Variants in PPP3CB observed in about 807,000 individuals in gnomAD.
The protein encoded by PPP3CB is serine/threonine-protein phosphatase 2B catalytic subunit beta isoform.
A neutral mutation model predicts 66.4 loss-of-function variants in PPP3CB; 8 were observed. The ratio of observed to expected loss-of-function variants is 0.12; its 90% CI spans 0.07 to 0.22. The LOEUF (loss-of-function observed/expected upper bound fraction) is 0.22. Among genes scored for constraint, PPP3CB ranks in the 10% least tolerant of loss-of-function variants. The pLI is 1.00. For missense variants in PPP3CB, 319 were observed against 642.5 expected, an observed-to-expected ratio of 0.50 and a Z score of 5.44; for synonymous variants, 208 against 221.2, an observed-to-expected ratio of 0.94 and a Z score of 0.53.
chr10:73,489,354 A>G (rs966822134), intron 1 of PPP3CB, among the ~76,000 whole-genome samples: 2 of 152,006 alleles, frequency 1.3e-5, no homozygotes, highest in African/African-American at 4.8e-5. Context: ...CAATATGGCC[A>G]GAATTAGCCA....
At chr10:73,450,725 TAA>T (rs2056330699) in intron 10 of PPP3CB, among the ~76,000 whole-genome samples, 2 of 152,330 alleles carry the variant, frequency 1.3e-5, no homozygotes, top group Admixed American at 1.3e-4. Flanking sequence ...TAAAATTATT[TAA>T]GAGTGGGAAA....
At chr10:73,471,730 T>C in intron 4 of PPP3CB, 117 bp from the exon 5 acceptor site, 1 of 764,702 alleles carries the variant, frequency 1.3e-6, no homozygotes. Flanking sequence ...ATCTTATAGC[T>C]ATTTATAATG....
At chr10:73,480,459 T>C (rs968894219) in intron 1 of PPP3CB, among the ~76,000 whole-genome samples, 10 of 150,770 alleles carry the variant, frequency 6.6e-5, no homozygotes, top group Non-Finnish European at 1.5e-4. Context: ...TTTTTTTTTT[T>C]TTTGAGATGG....
At chr10:73,457,075 C>T (rs2056438682) in intron 9 of PPP3CB, among the ~76,000 whole-genome samples, 1 of 151,438 alleles carries the variant, frequency 6.6e-6, no homozygotes, top group South Asian at 2.1e-4. Context: ...CTTAAATATA[C>T]ACAATAAAAT....
At position 73,443,264 on chromosome 10, in the gene PPP3CB, GAGAGAA is replaced by G. The variant is rs552547456; in HGVS notation, c.1366+1455_1366+1460del. On this transcript the variant is annotated intron_variant, in intron 12 of 13. Transcript: ENST00000360663. ...AGAGAGAGAGAAAGAGAGAGAGAGA[GAGAGAA>G]AGAAAGAAAGAAAGACAGAAAGAAA... 7.8e-3 allele frequency among the ~76,000 whole-genome samples: 1,013 copies of G among 129,174 alleles called. 15 individuals carry two copies. Among genetic ancestry groups the G allele is most frequent in the African/African-American group, 0.03 (960 of 31,858 alleles). 84.7% of individuals were successfully genotyped at this position (129,174 alleles called of 152,430 possible).
chr10:73,483,256 G>A (rs1261638526), intron 1 of PPP3CB, among the ~76,000 whole-genome samples: 1 of 152,206 alleles, frequency 6.6e-6, no homozygotes, highest in Non-Finnish European at 1.5e-5. Context: ...AATGTGTACA[G>A]GTTGAGTGGT....
intron 3 of PPP3CB, among the ~76,000 whole-genome samples, chr10:73,475,864 T>C (rs955988068): frequency 6.6e-6 from 1 of 152,180 alleles, no homozygotes; most frequent in African/African-American, 2.4e-5. Context: ...AAAAACAAAC[T>C]TTTTTATTTT....
chr10:73,457,749 A>AG (rs901393749), intron 9 of PPP3CB, among the ~76,000 whole-genome samples: 23 of 151,554 alleles, frequency 1.5e-4, no homozygotes, highest in African/African-American at 5.1e-4. Context: ...AAAAAAAAAA[A>AG]AAAGAAAGAA....
chr10:73,484,276 CTTTT>C (rs542883073), intron 1 of PPP3CB, among the ~76,000 whole-genome samples: 1 of 148,140 alleles, frequency 6.8e-6, no homozygotes, highest in Non-Finnish European at 1.5e-5. Context: ...ACTATTTCTA[CTTTT>C]TTTTTTTGAG....
At chr10:73,460,172 A>G (rs1317267492) in intron 9 of PPP3CB, among the ~76,000 whole-genome samples, 1 of 151,576 alleles carries the variant, frequency 6.6e-6, no homozygotes, top group East Asian at 1.9e-4. Flanking sequence ...CGAAAGCTAC[A>G]TGGAGCCATT....
At position 73,438,205 on chromosome 10, in the gene PPP3CB, G is replaced by A. The variant is rs1196739270; in HGVS notation, c.*37C>T. On this transcript the variant is annotated 3_prime_UTR_variant, in exon 14 of 14. Coordinates refer to ENST00000360663, the MANE Select transcript of PPP3CB (RefSeq NM_021132.4). The stretch of plus-strand genomic sequence containing the variant: ...AGCTCCTCGGGTGATCTGTCCATTT[G>A]GGGCCCGAGATGTGAGAGTCCCTGG... The A allele has an allele frequency of 6.3e-7, 1 of 1,592,120 alleles. No homozygotes were observed. The highest frequency in any genetic ancestry group is 1.3e-5 in the African/African-American group (1 of 74,210).
chr10:73,487,564 C>CAAAAAAAAAAAAAAAAAAAAA (rs746889105), intron 1 of PPP3CB, among the ~76,000 whole-genome samples: 1 of 65,216 alleles, frequency 1.5e-5, no homozygotes, highest in Non-Finnish European at 3.0e-5. Flanking sequence ...AAACCAAAAC[C>CAAAAAAAAAAAAAAAAAAAAA]AAAAAAAAAA....
At chr10:73,472,870 A>AT (rs1564562710) in intron 4 of PPP3CB, among the ~76,000 whole-genome samples, 1 of 152,182 alleles carries the variant, frequency 6.6e-6, no homozygotes, top group Non-Finnish European at 1.5e-5. Flanking sequence ...GAGAGATATC[A>AT]TGCACTTTCA....
At chr10:73,439,368 G>A (rs1026802020) in intron 13 of PPP3CB, among the ~76,000 whole-genome samples, 7 of 151,828 alleles carry the variant, frequency 4.6e-5, no homozygotes, top group South Asian at 2.1e-4. Context: ...CCCAAACTGC[G>A]GCCAAAAAAG....
At chr10:73,476,976 A>G (rs2056800469) in intron 3 of PPP3CB, among the ~76,000 whole-genome samples, 1 of 152,346 alleles carries the variant, frequency 6.6e-6, no homozygotes, top group African/African-American at 2.4e-5. Context: ...TATAAACAAC[A>G]GTAACCAACA....
intron 3 of PPP3CB, among the ~76,000 whole-genome samples, chr10:73,477,723 C>A (rs947825897): frequency 1.3e-5 from 2 of 152,046 alleles, no homozygotes; most frequent in Non-Finnish European, 2.9e-5. Flanking sequence ...TCAAGACCAG[C>A]CTGGGCAACA....
intron 1 of PPP3CB, 71 bp downstream of exon 1, chr10:73,495,734 C>T: frequency 6.6e-7 from 1 of 1,503,824 alleles, no homozygotes; most frequent in East Asian, 3.0e-5. Context: ...CCCGAGGGGA[C>T]GGTCTCCCGC....
rs756901942 is a variant in PPP3CB, at chr10:73,444,835, G to A, written c.1269-13C>T. 1 of 1,611,402 alleles carries A rather than the reference G, an allele frequency of 6.2e-7. No individual in the cohort carries two copies. The highest frequency in any genetic ancestry group is 8.5e-7 in the Non-Finnish European group (1 of 1,179,084). On this transcript the variant is annotated splice_polypyrimidine_tract_variant and intron_variant, in intron 11 of 13. Transcript: ENST00000360663. Reference sequence around the variant, plus strand: ...TTCACTCTCCTCCCTATAGCAGAGAGATATAACAAATATCAGATACTTCCA... The same window carrying A: ...TTCACTCTCCTCCCTATAGCAGAGAAATATAACAAATATCAGATACTTCCA...
chr10:73,456,743 C>A (rs954901049), intron 9 of PPP3CB, among the ~76,000 whole-genome samples: 3 of 152,022 alleles, frequency 2.0e-5, no homozygotes, highest in Non-Finnish European at 2.9e-5. Flanking sequence ...CAGAAAAAAA[C>A]GGGCAAATCT....
Sources: allele counts gnomAD v4.1 joint callset (sites outside exome capture counted in the v4.1 genomes callset), GRCh38; gene constraint gnomAD v4.1.1; transcripts MANE v1.5; gene names NCBI Gene and HGNC (gene_info 2026-07-23, HGNC 2026-07-21).